Variants in TRMT9B observed in about 807,000 individuals in gnomAD.
The protein encoded by TRMT9B is tRNA methyltransferase 9B (putative).
TRMT9B carries 16 observed loss-of-function variants against 11.5 expected under a neutral mutation model. The observed-to-expected ratio is 1.39, with a 90% confidence interval of 0.94 to 2.11. The LOEUF (loss-of-function observed/expected upper bound fraction) is 2.11. Among genes scored for constraint, TRMT9B ranks in the 30% most tolerant of loss-of-function variants. The pLI is 0.00. For missense variants in TRMT9B, 941 were observed against 553.8 expected (o/e 1.70, Z -7.02); for synonymous variants, 274 against 192.4 (o/e 1.42, Z -3.51).
intron 2 of TRMT9B, among the ~76,000 whole-genome samples, chr8:12,999,446 A>G (rs1395319317): frequency 6.6e-6 from 1 of 152,170 alleles, no homozygotes; most frequent in Non-Finnish European, 1.5e-5. Flanking sequence ...ATACGCACAC[A>G]CATATGTATG....
intron 1 of TRMT9B, among the ~76,000 whole-genome samples, chr8:12,970,989 A>G (rs1243241275): frequency 6.6e-6 from 1 of 152,128 alleles, no homozygotes; most frequent in African/African-American, 2.4e-5. Flanking sequence ...CATTTTTTGC[A>G]TTTTTAAATG....
intron 1 of TRMT9B, among the ~76,000 whole-genome samples, chr8:12,976,346 A>G (rs1208645616): frequency 1.3e-5 from 2 of 148,966 alleles, no homozygotes; most frequent in South Asian, 4.3e-4. Flanking sequence ...AGGATTAGTA[A>G]TAGGGCATTG....
At chr8:12,984,224 T>C (rs556124555) in intron 1 of TRMT9B, among the ~76,000 whole-genome samples, 1 of 152,200 alleles carries the variant, frequency 6.6e-6, no homozygotes, top group Non-Finnish European at 1.5e-5. Flanking sequence ...TTGGGTCTCA[T>C]CTCTAAGAAA....
At chr8:12,963,578 C>T (rs983866460) in intron 1 of TRMT9B, among the ~76,000 whole-genome samples, 7 of 152,048 alleles carry the variant, frequency 4.6e-5, no homozygotes, top group African/African-American at 1.7e-4. Flanking sequence ...GGTGAAACCC[C>T]GTCTCTACAA....
chr8:13,015,917 T>C (rs1373810108), intron 4 of TRMT9B, among the ~76,000 whole-genome samples: 1 of 151,898 alleles, frequency 6.6e-6, no homozygotes, highest in African/African-American at 2.4e-5. Flanking sequence ...ATTAATGTGA[T>C]GTGGTTATTT....
In TRMT9B at chr8:13,028,136, G is replaced by T. The variant is rs1272752278; in HGVS notation, c.*6092G>T. The T allele has an allele frequency of 6.0e-6, 1 of 167,042 alleles. No homozygotes were observed. Among genetic ancestry groups the T allele is most frequent in the Non-Finnish European group, 1.5e-5 (1 of 68,126 alleles). The allele number at this position is 167,042 out of a possible 1,614,324, so 10.3% of individuals were successfully genotyped here. A position where few individuals can be genotyped will look rare whatever the true frequency, so the allele number is the denominator to read the frequency against. ...TACGGTCTATGACACATTAACAGGG[G>T]TGTGAATCATTTCAGTTACATCACA... is the stretch of plus-strand genomic sequence containing the variant. On this transcript the variant is annotated 3_prime_UTR_variant, in exon 5 of 5. Coordinates refer to ENST00000524591, the MANE Select transcript of TRMT9B (RefSeq NM_020844.3).
At chr8:12,956,236 C>G (rs1042044753) in intron 1 of TRMT9B, among the ~76,000 whole-genome samples, 6 of 152,026 alleles carry the variant, frequency 3.9e-5, no homozygotes, top group African/African-American at 1.2e-4. Context: ...ATCCATCATG[C>G]CTAACACATA....
intron 4 of TRMT9B, among the ~76,000 whole-genome samples, chr8:13,015,221 T>A (rs1265241023): frequency 1.3e-5 from 2 of 152,024 alleles, no homozygotes. Flanking sequence ...ATTCAAGAAT[T>A]TTTTATTTTT....
rs117318338 is a variant in TRMT9B, at chr8:12,972,394, C to T, written c.-199-18440C>T. Among the ~76,000 whole-genome samples the T allele has an allele frequency of 1.5e-3, 225 of 152,058 alleles. 2 individuals carry two copies. The highest frequency in any genetic ancestry group is 4.0e-3 in the South Asian group (19 of 4,792). ...TCTTGGGAGGAGACTTGCTTGTGGGCGAGGTGTCTTTTAGGGGTGTGCAAA... is the reference window on the plus strand; with the variant it reads ...TCTTGGGAGGAGACTTGCTTGTGGGTGAGGTGTCTTTTAGGGGTGTGCAAA... On this transcript the variant is annotated intron_variant, in intron 1 of 4. Coordinates refer to ENST00000524591, the MANE Select transcript of TRMT9B (RefSeq NM_020844.3).
intron 4 of TRMT9B, among the ~76,000 whole-genome samples, chr8:13,019,367 C>T (rs1813386642): frequency 6.6e-6 from 1 of 152,226 alleles, no homozygotes; most frequent in Non-Finnish European, 1.5e-5. Context: ...TCATGGCCCA[C>T]TGCAAACTCG....
chr8:13,012,934 C>T, intron 4 of TRMT9B, 77 bp downstream of exon 4: 2 of 1,496,266 alleles, frequency 1.3e-6, no homozygotes, highest in Non-Finnish European at 1.8e-6. Context: ...CATGACTCAA[C>T]ATCCGTTCTG....
intron 1 of TRMT9B, among the ~76,000 whole-genome samples, chr8:12,989,058 A>G (rs747540731): frequency 6.6e-6 from 1 of 151,996 alleles, no homozygotes; most frequent in Admixed American, 6.6e-5. Flanking sequence ...ATGAATGTGT[A>G]TTTTTAATTT....
At chr8:12,968,993 C>T (rs1803205198) in intron 1 of TRMT9B, among the ~76,000 whole-genome samples, 2 of 152,188 alleles carry the variant, frequency 1.3e-5, no homozygotes, top group African/African-American at 4.8e-5. Context: ...AGGTGGATCA[C>T]CTGAGGTCGG....
In TRMT9B at chr8:13,029,776, A is replaced by T. The variant is rs1383116710; in HGVS notation, c.*7732A>T. The T allele has an allele frequency of 6.6e-6, 1 of 152,380 alleles. No individual in the cohort carries two copies. The allele number at this position is 152,380 out of a possible 1,614,324, so 9.4% of individuals were successfully genotyped here. On this transcript the variant is annotated 3_prime_UTR_variant, in exon 5 of 5. Transcript: ENST00000524591. ...AATAAAGATGTATTAGATTATCCAAAAGTGGATGTGTGCAAATGTGGTCCT... is the reference window on the plus strand; with the variant it reads ...AATAAAGATGTATTAGATTATCCAATAGTGGATGTGTGCAAATGTGGTCCT...
At chr8:12,975,430 A>G (rs1184479718) in intron 1 of TRMT9B, among the ~76,000 whole-genome samples, 5 of 152,108 alleles carry the variant, frequency 3.3e-5, no homozygotes, top group Non-Finnish European at 7.3e-5. Flanking sequence ...AAAGAAAAAA[A>G]AAAGCTTTTA....
intron 3 of TRMT9B, among the ~76,000 whole-genome samples, chr8:13,008,940 G>A (rs1392001963): frequency 5.3e-5 from 8 of 152,154 alleles, no homozygotes; most frequent in Non-Finnish European, 1.2e-4. Context: ...GTGTTAGCCA[G>A]GATGGTGTCG....
chr8:13,000,303 A>C (rs1476051495), intron 2 of TRMT9B, among the ~76,000 whole-genome samples: 1 of 152,200 alleles, frequency 6.6e-6, no homozygotes, highest in Non-Finnish European at 1.5e-5. Context: ...GGGAAGGAAA[A>C]CTAAACATTT....
Position 12,945,953 on chromosome 8 carries a change from AG to A in TRMT9B, c.-212del, listed in dbSNP as rs1800244399. On this transcript the variant is annotated 5_prime_UTR_variant, in exon 1 of 5. It removes the in-frame stop codon of an upstream open reading frame in the 5' UTR. Transcript: ENST00000524591. Reference sequence around the variant, plus strand: ...CTGTGAGCTCTCCTAGCAACTCTGCAGTCTTCCTTCAAGGTATGTGTTGCAA... The same window carrying A: ...CTGTGAGCTCTCCTAGCAACTCTGCATCTTCCTTCAAGGTATGTGTTGCAA... 3.9e-5 allele frequency: 6 copies of A among 152,166 alleles called. No individual in the cohort carries two copies. The highest frequency in any genetic ancestry group is 6.5e-5 in the Admixed American group (1 of 15,272). 9.4% of individuals were successfully genotyped at this position (152,166 alleles called of 1,614,324 possible).
In TRMT9B at chr8:13,020,997, G is replaced by C; in HGVS notation, c.329-11G>C. On this transcript the variant is annotated splice_polypyrimidine_tract_variant and intron_variant, in intron 4 of 4. Transcript: ENST00000524591. ...TGCATACACACTGAGATCTAGTTTT[G>C]TCTTTTTCAGTCATACATCATTTTT... is the stretch of plus-strand genomic sequence containing the variant. 6.6e-7 allele frequency: 1 copy of C among 1,512,632 alleles called. No homozygotes were observed. The highest frequency in any genetic ancestry group is 8.9e-7 in the Non-Finnish European group (1 of 1,126,836). 93.7% of individuals were successfully genotyped at this position (1,512,632 alleles called of 1,614,324 possible). A position where few individuals can be genotyped will look rare whatever the true frequency, so the allele number is the denominator to read the frequency against.
Sources: allele counts gnomAD v4.1 joint callset (sites outside exome capture counted in the v4.1 genomes callset), GRCh38; gene constraint gnomAD v4.1.1; transcripts MANE v1.5; gene names NCBI Gene and HGNC (gene_info 2026-07-23, HGNC 2026-07-21).